KASH5: variants seen among roughly 807,000 people sequenced by gnomAD.
The protein encoded by KASH5 is protein KASH5.
In KASH5, 72 loss-of-function variants were observed where a neutral mutation model predicts 84.2. The ratio of observed to expected loss-of-function variants is 0.85; its 90% CI spans 0.71 to 1.04. KASH5 has a LOEUF of 1.04. Ranked by LOEUF, KASH5 falls within the 50% of genes least tolerant of loss-of-function variation. The pLI, the probability that KASH5 is intolerant of heterozygous loss-of-function variation, is 0.00. For missense variants in KASH5, 650 were observed against 701.0 expected (o/e 0.93, Z 0.82); for synonymous variants, 260 against 279.1 (o/e 0.93, Z 0.68).
Position 49,417,895 on chromosome 19 carries a change from T to G in KASH5, c.*385T>G. 3.8e-5 allele frequency: 7 copies of G among 183,702 alleles called. No homozygotes were observed. The highest frequency in any genetic ancestry group is 4.5e-5 in the Non-Finnish European group (4 of 89,414). 11.4% of individuals were successfully genotyped at this position (183,702 alleles called of 1,614,324 possible). ...CACATCTGCGGGAAACGGAAATTTC[T>G]TCCTTCCTTTTTATAAAGAGAGGCA... On this transcript the variant is annotated 3_prime_UTR_variant, in exon 20 of 20. Coordinates refer to ENST00000447857, the MANE Select transcript of KASH5 (RefSeq NM_144688.5). This position sits in a 1 kb window ranked among gnomAD's most constrained non-coding sequence, Gnocchi z 5.2.
chr19:49,397,749 C>A, intron 6 of KASH5, 32 bp downstream of exon 6: 1 of 1,608,202 alleles, frequency 6.2e-7, no homozygotes, highest in Non-Finnish European at 8.5e-7. Context: ...CCTGACCCTC[C>A]TGCCCACACC....
Position 49,395,850 on chromosome 19 carries a change from T to A in KASH5, c.400+17T>A. 2 of 1,550,104 alleles carry A rather than the reference T, an allele frequency of 1.3e-6. No homozygotes were observed. The highest frequency in any genetic ancestry group is 1.2e-5 in the South Asian group (1 of 84,062). On this transcript the variant is annotated intron_variant, in intron 5 of 19. Transcript: ENST00000447857. This position sits in a 1 kb window ranked among gnomAD's most constrained non-coding sequence, Gnocchi z 4.4. ...TGCCATCTGGTGAGATTGCTATATA[T>A]AGAATGAAGCAGGCAGGCCCTGGGT... is the stretch of plus-strand genomic sequence containing the variant.
In KASH5 at chr19:49,409,008, T is replaced by C; in HGVS notation, c.1035T>C (p.Ser345=). The C allele has an allele frequency of 6.3e-7, 1 of 1,593,492 alleles. No individual in the cohort carries two copies. Among genetic ancestry groups the C allele is most frequent in the Non-Finnish European group, 8.5e-7 (1 of 1,170,248 alleles). Residue 345 remains serine, a synonymous_variant, in exon 13 of 20, where the codon AGT becomes AGC. Transcript: ENST00000447857. ...LEISRLEEQL[S]QTYEGPDELP... is the part of the protein sequence containing the mutation. The stretch of plus-strand genomic sequence containing the variant: ...TTTCACGCCTGGAGGAGCAGCTGAG[T>C]CAGACCTATGAGGGGCCCGATGAGT...
rs757781496 is a variant in KASH5, at chr19:49,417,200, T to G, written c.1481T>G (p.Met494Arg). Residue 494 changes from methionine (M) to arginine (R), a missense_variant, in exon 19 of 20, where the codon ATG becomes AGG. Met to Arg is a moderately conservative substitution (Grantham distance 91). Coordinates refer to ENST00000447857, the MANE Select transcript of KASH5 (RefSeq NM_144688.5). This position sits in a 1 kb window ranked among gnomAD's most constrained non-coding sequence, Gnocchi z 5.2. ...RELQQALVPV[M>R]KKLVPVRRRA... ...CTCCAGCAAGCCCTGGTGCCTGTGA[T>G]GAAAAAGCTGGTCCCAGTCAGGAGG... 2 of 1,613,748 alleles carry G rather than the reference T, an allele frequency of 1.2e-6. No homozygotes were observed. The highest frequency in any genetic ancestry group is 4.5e-5 in the East Asian group (2 of 44,884).
At position 49,395,936 on chromosome 19, in the gene KASH5, C is replaced by T; in HGVS notation, c.400+103C>T. 1.1e-6 allele frequency: 1 copy of T among 926,084 alleles called. No individual in the cohort carries two copies. The highest frequency in any genetic ancestry group is 1.7e-6 in the Non-Finnish European group (1 of 596,312). The allele number at this position is 926,084 out of a possible 1,614,324, so 57.4% of individuals were successfully genotyped here. A position where few individuals can be genotyped will look rare whatever the true frequency, so the allele number is the denominator to read the frequency against. ...AAGGGATAGGGTAGGAACCAGGGAC[C>T]TTTACTGTAGACTAGAGCTGTGAGT... On this transcript the variant is annotated intron_variant, in intron 5 of 19. Coordinates refer to ENST00000447857, the MANE Select transcript of KASH5 (RefSeq NM_144688.5). The surrounding 1 kb of genome is among the most constrained non-coding windows in gnomAD (Gnocchi z 4.4).
Position 49,412,175 on chromosome 19 carries a change from G to A in KASH5, c.1270-793G>A, listed in dbSNP as rs1974741638. On this transcript the variant is annotated intron_variant, in intron 15 of 19. Transcript: ENST00000447857. The surrounding 1 kb of genome is among the most constrained non-coding windows in gnomAD (Gnocchi z 4.6). ...CCACAAGAAGGGTGGGGTCAGCTCC[G>A]GGCTTAAAAAGATCCCTCTGGAACC... Among the ~76,000 whole-genome samples, 3 of 152,074 alleles carry A rather than the reference G, an allele frequency of 2.0e-5. No individual in the cohort carries two copies. Among genetic ancestry groups the A allele is most frequent in the East Asian group, 1.9e-4 (1 of 5,178 alleles).
chr19:49,394,421 C>T lies in KASH5; in HGVS notation c.44-55C>T, dbSNP rs1047921666. 9.9e-5 allele frequency: 141 copies of T among 1,424,398 alleles called. No homozygotes were observed. The South Asian group carries it at 1.2e-3, about 13-fold the overall frequency. The allele number at this position is 1,424,398 out of a possible 1,614,324, so 88.2% of individuals were successfully genotyped here. A position where few individuals can be genotyped will look rare whatever the true frequency, so the allele number is the denominator to read the frequency against. On this transcript the variant is annotated intron_variant, in intron 2 of 19. Transcript: ENST00000447857. Reference sequence around the variant, plus strand: ...CAGGAGGCTGAGGACCTGGGGTCACCCCTCTTCCTTCCTTATTCTTCCCAC... The same window carrying T: ...CAGGAGGCTGAGGACCTGGGGTCACTCCTCTTCCTTCCTTATTCTTCCCAC...
Position 49,407,641 on chromosome 19 carries a change from G to C in KASH5, c.963G>C (p.Gln321His), listed in dbSNP as rs539438225. Residue 321 changes from glutamine (Q) to histidine (H), a missense_variant, in exon 12 of 20, where the codon CAG (glutamine) becomes CAC (histidine). Coordinates refer to ENST00000447857, the MANE Select transcript of KASH5 (RefSeq NM_144688.5). ...CTCGCGATGTGGAGAGCCTGGCCCA[G>C]ACCCTGGAAGAATACAGAGTGACGA... ...ERTRDVESLA[Q>H]TLEEYRVTTQ... is the part of the protein sequence containing the mutation. The C allele has an allele frequency of 4.4e-6, 7 of 1,604,586 alleles. No homozygotes were observed. The South Asian group carries it at 7.8e-5, about 18-fold the overall frequency.
At chr19:49,392,314 G>A (rs1041259955) in intron 2 of KASH5, among the ~76,000 whole-genome samples, 4 of 149,404 alleles carry the variant, frequency 2.7e-5, no homozygotes, top group African/African-American at 9.9e-5. Flanking sequence ...CAGAGAGACA[G>A]GACGTGGGGA....
intron 11 of KASH5, 76 bp from the exon 12 acceptor site, chr19:49,407,536 C>G: frequency 6.8e-7 from 1 of 1,474,592 alleles, no homozygotes; most frequent in South Asian, 1.2e-5. Flanking sequence ...ACCCCCCAGC[C>G]AGTCCCCCCG....
intron 9 of KASH5, among the ~76,000 whole-genome samples, chr19:49,404,120 G>A (rs1285341525): frequency 2.6e-5 from 4 of 152,144 alleles, no homozygotes; most frequent in African/African-American, 4.8e-5. Context: ...CTCCTTTCCC[G>A]TCCTTCCTCT....
chr19:49,417,305 T>C lies in KASH5; in HGVS notation c.1547+39T>C. 3 of 1,593,000 alleles carry C rather than the reference T, an allele frequency of 1.9e-6. No homozygotes were observed. The highest frequency in any genetic ancestry group is 2.6e-6 in the Non-Finnish European group (3 of 1,169,466). On this transcript the variant is annotated intron_variant, in intron 19 of 19. Coordinates refer to ENST00000447857, the MANE Select transcript of KASH5 (RefSeq NM_144688.5). This position sits in a 1 kb window ranked among gnomAD's most constrained non-coding sequence, Gnocchi z 5.2. Reference sequence around the variant, plus strand: ...CGTCTCCAGAAGGAAGGAGGTGGTCTGACATTGGGAAGAGCAGGGGCTGCC... The same window carrying C: ...CGTCTCCAGAAGGAAGGAGGTGGTCCGACATTGGGAAGAGCAGGGGCTGCC...
intron 11 of KASH5, 132 bp downstream of exon 11, chr19:49,407,428 C>A: frequency 8.6e-7 from 1 of 1,165,786 alleles, no homozygotes; most frequent in South Asian, 1.4e-5. Flanking sequence ...GAGGGTTTCC[C>A]CAGGTCCCAA....
chr19:49,391,122 C>T (rs895099403), intron 2 of KASH5, among the ~76,000 whole-genome samples, 196 bp downstream of exon 2: 1 of 152,088 alleles, frequency 6.6e-6, no homozygotes, highest in Non-Finnish European at 1.5e-5. Context: ...CTGTCACTAC[C>T]CCTTATCTCC....
In KASH5 at chr19:49,407,788, C is replaced by T. The variant is rs1974579706; in HGVS notation, c.993+117C>T. 5 of 976,354 alleles carry T rather than the reference C, an allele frequency of 5.1e-6. No homozygotes were observed. The South Asian group carries it at 5.5e-5, about 11-fold the overall frequency. 60.5% of individuals were successfully genotyped at this position (976,354 alleles called of 1,614,324 possible). On this transcript the variant is annotated intron_variant, in intron 12 of 19. Coordinates refer to ENST00000447857, the MANE Select transcript of KASH5 (RefSeq NM_144688.5). ...TGTCAGTGGCCACATCTTGCTTCTT[C>T]CATCCTTGATGTATGACTGTATGAC...
chr19:49,409,458 CTGCCAGACCCAGGCCTG>C (rs550336690), intron 14 of KASH5, among the ~76,000 whole-genome samples, 175 bp downstream of exon 14: 100 of 152,320 alleles, frequency 6.6e-4, no homozygotes, highest in Middle Eastern at 3.4e-3. Context: ...CCCAAACCCA[CTGCCAGACCCAGGCCTG>C]TGCCAGACCC....
intron 9 of KASH5, among the ~76,000 whole-genome samples, chr19:49,400,009 C>T (rs1455719633): frequency 2.0e-5 from 3 of 152,062 alleles, no homozygotes; most frequent in African/African-American, 7.2e-5. Flanking sequence ...TGGGTGGACC[C>T]CTTTAGCCTA....
Position 49,399,229 on chromosome 19 carries a change from A to G in KASH5, c.747+87A>G. ...GGCAGAGTGTGACTATGGAGTAGGAAGGGGCAGAGGTCACCTGGCTTTCTC... is the reference window on the plus strand; with the variant it reads ...GGCAGAGTGTGACTATGGAGTAGGAGGGGGCAGAGGTCACCTGGCTTTCTC... On this transcript the variant is annotated intron_variant, in intron 8 of 19. Coordinates refer to ENST00000447857, the MANE Select transcript of KASH5 (RefSeq NM_144688.5). The surrounding 1 kb of genome is among the most constrained non-coding windows in gnomAD (Gnocchi z 4.4). 1 of 1,173,126 alleles carries G rather than the reference A, an allele frequency of 8.5e-7. No individual in the cohort carries two copies. The highest frequency in any genetic ancestry group is 1.2e-6 in the Non-Finnish European group (1 of 835,028). The allele number at this position is 1,173,126 out of a possible 1,614,324, so 72.7% of individuals were successfully genotyped here. A position where few individuals can be genotyped will look rare whatever the true frequency, so the allele number is the denominator to read the frequency against.
chr19:49,409,998 T>C (rs1974660307), intron 15 of KASH5, 123 bp downstream of exon 15: 4 of 1,286,502 alleles, frequency 3.1e-6, no homozygotes, highest in East Asian at 2.5e-5. Flanking sequence ...AAAATGTTAA[T>C]TGAGGGCCCA....
Sources: allele counts gnomAD v4.1 joint callset (sites outside exome capture counted in the v4.1 genomes callset), GRCh38; gene constraint gnomAD v4.1.1; non-coding constraint Gnocchi (gnomAD v3.1); transcripts MANE v1.5; gene names NCBI Gene and HGNC (gene_info 2026-07-23, HGNC 2026-07-21).